WNK1: variants seen among roughly 807,000 people sequenced by gnomAD.
WNK1 encodes the protein WNK lysine deficient protein kinase 1.
In WNK1, 38 loss-of-function variants were observed where a neutral mutation model predicts 222.8. That is an observed-to-expected ratio of 0.17 (90% CI 0.13 to 0.22). The LOEUF (loss-of-function observed/expected upper bound fraction) is 0.22. Among genes scored for constraint, WNK1 ranks in the 10% least tolerant of loss-of-function variants. WNK1 has a pLI of 1.00. For missense variants in WNK1, 2,348 were observed against 2,918.4 expected (o/e 0.80, Z 4.50); for synonymous variants, 1,090 against 1,092.9 (o/e 1.00, Z 0.05).
intron 26 of WNK1, chr12:904,633 T>C: frequency 1.8e-6 from 1 of 551,910 alleles, no homozygotes; most frequent in Non-Finnish European, 2.9e-6. Flanking sequence ...ATATTTAACA[T>C]GCTTAATTGA....
chr12:879,000 C>G (rs575096818), intron 10 of WNK1, among the ~76,000 whole-genome samples: 1 of 152,136 alleles, frequency 6.6e-6, no homozygotes, highest in South Asian at 2.1e-4. Context: ...TAAAGTAGAT[C>G]CCAATTTCTC....
chr12:865,029 A>G, intron 8 of WNK1: 2 of 1,422,570 alleles, frequency 1.4e-6, no homozygotes, highest in Non-Finnish European at 1.8e-6. Context: ...TCATGCAACT[A>G]TGCCCTGTTA....
rs982381084 is a variant in WNK1, at chr12:885,652, A to G, written c.4848A>G (p.Thr1616=). The part of the protein sequence containing the change: ...PVANVPAVQQ[T]LIHSQPQPAL... ...CCAATGTGCCTGCTGTACAGCAGAC[A>G]CTAATTCATAGTCAGCCTCAACCAG... The change falls in exon 19 of 28, where the codon ACA becomes ACG. Residue 1616 remains threonine, a synonymous_variant. Transcript: ENST00000315939. The G allele has an allele frequency of 2.5e-6, 4 of 1,614,184 alleles. No individual in the cohort carries two copies. The highest frequency in any genetic ancestry group is 3.4e-6 in the Non-Finnish European group (4 of 1,180,044).
At chr12:767,485 C>A (rs1183887642) in intron 1 of WNK1, among the ~76,000 whole-genome samples, 1 of 151,238 alleles carries the variant, frequency 6.6e-6, no homozygotes, top group African/African-American at 2.4e-5. Flanking sequence ...ACTCCTGACC[C>A]CGTGATCCAC....
intron 1 of WNK1, among the ~76,000 whole-genome samples, chr12:807,878 C>A (rs1241291311): frequency 6.6e-6 from 1 of 151,942 alleles, no homozygotes; most frequent in East Asian, 1.9e-4. Context: ...CGCCACTACG[C>A]CTGGCTAATT....
intron 8 of WNK1, chr12:867,770 A>G: frequency 7.6e-7 from 1 of 1,315,964 alleles, no homozygotes; most frequent in East Asian, 2.4e-5. Context: ...TAGTGTAACC[A>G]TTTCATAGGG....
At chr12:848,909 C>T (rs1050503748) in intron 4 of WNK1, among the ~76,000 whole-genome samples, 1 of 152,098 alleles carries the variant, frequency 6.6e-6, no homozygotes, top group Non-Finnish European at 1.5e-5. Context: ...CTCAAGCCCC[C>T]CAAAGCCCCC....
chr12:897,415 G>A, intron 24 of WNK1, 64 bp from the exon 25 acceptor site: 8 of 1,073,892 alleles, frequency 7.4e-6, no homozygotes, highest in Non-Finnish European at 1.2e-5. Context: ...GGAATATGCT[G>A]TTAATTCTTG....
chr12:880,944 C>G lies in WNK1; in HGVS notation c.3056C>G (p.Pro1019Arg). The G allele has an allele frequency of 1.2e-6, 2 of 1,614,134 alleles. No homozygotes were observed. Among genetic ancestry groups the G allele is most frequent in the Non-Finnish European group, 1.7e-6 (2 of 1,180,028 alleles). ...GVGGQVQVSQ[P>R]GGSLAQAPTT... ...GGAGGACAGGTTCAAGTGTCCCAGC[C>G]AGGAGGGAGTTTAGCACAAGCCCCC... Residue 1019 changes from proline to arginine, a missense_variant, in exon 12 of 28, where the codon CCA (proline) becomes CGA (arginine). This residue lies in a region of WNK1 where 547 missense variants were observed against 558.3 expected (regional missense o/e 0.98). Coordinates refer to ENST00000315939, the MANE Select transcript of WNK1 (RefSeq NM_018979.4).
chr12:882,388 A>G (rs999325744), intron 14 of WNK1, among the ~76,000 whole-genome samples: 6 of 151,984 alleles, frequency 3.9e-5, no homozygotes, highest in Non-Finnish European at 5.9e-5. Context: ...TAGTAGAGAC[A>G]GGGTTTCACC....
chr12:760,894 C>T lies in WNK1; in HGVS notation c.759+6570C>T, dbSNP rs1310405860. Among the ~76,000 whole-genome samples the T allele has an allele frequency of 2.7e-5, 4 of 146,232 alleles. 1 individual carries two copies. Among genetic ancestry groups the T allele is most frequent in the Non-Finnish European group, 6.1e-5 (4 of 65,662 alleles). The stretch of plus-strand genomic sequence containing the variant: ...GTTCAAGCGATTCTCCTGCCTCAGC[C>T]TCCAGAGTAGCTGGGATTACAGGCA... On this transcript the variant is annotated intron_variant, in intron 1 of 27. Transcript: ENST00000315939.
rs1955946776 is a variant in WNK1 at position 909,491 on chromosome 12, G to T, written c.*699G>T. 6.6e-6 allele frequency: 1 copy of T among 152,104 alleles called. No individual in the cohort carries two copies. The highest frequency in any genetic ancestry group is 6.6e-5 in the Admixed American group (1 of 15,256). The allele number at this position is 152,104 out of a possible 1,614,324, so 9.4% of individuals were successfully genotyped here. A position where few individuals can be genotyped will look rare whatever the true frequency, so the allele number is the denominator to read the frequency against. ...GAAACACTGTGATATATAAAATGTT[G>T]TTGGACAACAGTAGTTTTAAGAGTA... On this transcript the variant is annotated 3_prime_UTR_variant, in exon 28 of 28. Coordinates refer to ENST00000315939, the MANE Select transcript of WNK1 (RefSeq NM_018979.4).
At chr12:861,626 A>C (rs1277217238) in intron 7 of WNK1, among the ~76,000 whole-genome samples, 1 of 152,248 alleles carries the variant, frequency 6.6e-6, no homozygotes, top group Non-Finnish European at 1.5e-5. Flanking sequence ...CAATTTATTT[A>C]AATAAAACAG....
rs1042573974 is a variant in WNK1 at position 802,271 on chromosome 12, T to C, written c.760-11371T>C. Among the ~76,000 whole-genome samples the C allele has an allele frequency of 3.5e-4, 53 of 152,232 alleles. 1 individual carries two copies. Among genetic ancestry groups the C allele is most frequent in the Non-Finnish European group, 2.5e-4 (17 of 68,034 alleles). ...TAGGTAGTAAGTACCTGTTTTATGA[T>C]GTTAAAAATATCAAGTAAATATTAT... is the stretch of plus-strand genomic sequence containing the variant. On this transcript the variant is annotated intron_variant, in intron 1 of 27. Transcript: ENST00000315939.
intron 1 of WNK1, among the ~76,000 whole-genome samples, chr12:773,648 A>T (rs2153954523): frequency 1.3e-5 from 2 of 152,284 alleles, no homozygotes; most frequent in South Asian, 4.1e-4. Context: ...TTTATTCACC[A>T]AATGTTTATT....
In WNK1 at chr12:861,135, A is replaced by G. The variant is rs757328136; in HGVS notation, c.1743A>G (p.Lys581=). ...AGTTGGTACGGGAGGAGCAAGAAAA[A>G]AAAAAGCAGGAAGAGAGCAGTCTCA... The part of the protein sequence containing the change: ...QRQLVREEQE[K]KKQEESSLKQ... The change falls in exon 7 of 28, where the codon AAA becomes AAG. Residue 581 remains lysine, a synonymous_variant. Coordinates refer to ENST00000315939, the MANE Select transcript of WNK1 (RefSeq NM_018979.4). 28 of 1,613,976 alleles carry G rather than the reference A, an allele frequency of 1.7e-5. No homozygotes were observed. The highest frequency in any genetic ancestry group is 1.6e-4 in the Middle Eastern group (1 of 6,084).
chr12:851,745 A>G (rs985616128), intron 4 of WNK1: 37 of 1,347,058 alleles, frequency 2.7e-5, no homozygotes, highest in African/African-American at 4.4e-5. Context: ...ATAAATTCTC[A>G]TTGCTGCTGC....
chr12:813,933 A>T (rs565693399), intron 2 of WNK1, 119 bp downstream of exon 2: 1 of 1,023,108 alleles, frequency 9.8e-7, no homozygotes, highest in East Asian at 2.6e-5. Context: ...AGTCCTTCCA[A>T]CTGTTACTGT....
chr12:866,616 T>C (rs979461378), intron 8 of WNK1, among the ~76,000 whole-genome samples: 2 of 152,106 alleles, frequency 1.3e-5, no homozygotes, highest in Admixed American at 1.3e-4. Context: ...CCCTTCAGCC[T>C]CCCACAGTGC....
Sources: gnomAD v4.1 joint callset for allele counts (sites outside exome capture counted in the v4.1 genomes callset) on GRCh38, gnomAD v4.1.1 for gene constraint, gnomAD v4.1.1 regional missense constraint, MANE v1.5 for transcripts, NCBI Gene and HGNC (gene_info 2026-07-23, HGNC 2026-07-21) for gene names.